The following PAX8 variants were observed in gnomAD, a reference collection of about 807,000 sequenced individuals.
PAX8 encodes paired box 8.
Under a neutral mutation model 52.4 loss-of-function variants are expected in PAX8, and 15 were observed. The ratio of observed to expected loss-of-function variants is 0.29; its 90% CI spans 0.19 to 0.44. The LOEUF (loss-of-function observed/expected upper bound fraction) is 0.44, where lower values mean the gene tolerates loss of function less well. Ranked by LOEUF, PAX8 falls within the 20% of genes least tolerant of loss-of-function variation. PAX8 has a pLI of 1.00. For missense variants in PAX8, 554 were observed against 602.5 expected (o/e 0.92, Z 0.84); for synonymous variants, 284 against 249.7 (o/e 1.14, Z -1.29).
chr2:113,260,746 G>A (rs542668466), intron 2 of PAX8, among the ~76,000 whole-genome samples: 4 of 152,168 alleles, frequency 2.6e-5, no homozygotes, highest in Non-Finnish European at 5.9e-5. Context: ...TGAAGGCCGA[G>A]ATTCTTTGCT....
intron 2 of PAX8, among the ~76,000 whole-genome samples, chr2:113,248,953 C>T (rs572535704): frequency 2.0e-5 from 3 of 151,696 alleles, no homozygotes; most frequent in South Asian, 2.1e-4. Flanking sequence ...GCAACAAGAG[C>T]GAAATTCCGT....
intron 7 of PAX8, chr2:113,240,622 C>CT (rs1285644723): frequency 6.6e-6 from 1 of 152,270 alleles, no homozygotes; most frequent in Non-Finnish European, 1.5e-5. Context: ...TCTCACATCT[C>CT]TGTCAGCTTT....
intron 2 of PAX8, chr2:113,276,185 C>A (rs939248944): frequency 2.6e-5 from 4 of 152,184 alleles, no homozygotes; most frequent in African/African-American, 9.7e-5. Flanking sequence ...ATGAGTTTAG[C>A]TCCGGTTATA....
intron 11 of PAX8, 55 bp from the exon 12 acceptor site, chr2:113,218,664 C>G: frequency 8.7e-7 from 1 of 1,146,340 alleles, no homozygotes; most frequent in Middle Eastern, 1.9e-4. Flanking sequence ...AGGAAAATTG[C>G]ACCATAGCCT....
intron 10 of PAX8, among the ~76,000 whole-genome samples, chr2:113,224,184 A>T: frequency 6.6e-6 from 1 of 152,184 alleles, no homozygotes. Flanking sequence ...GAAAAATAAA[A>T]GGATTGATGG....
In PAX8 at chr2:113,242,195, C is replaced by G. The variant is rs1690910453; in HGVS notation, c.479-65G>C. The G allele has an allele frequency of 2.1e-6, 3 of 1,454,288 alleles. No homozygotes were observed. In the East Asian group the frequency reaches 7.4e-5, roughly 36 times the overall value. The allele number at this position is 1,454,288 out of a possible 1,614,324, so 90.1% of individuals were successfully genotyped here. Reference sequence around the variant, plus strand: ...ACACCCCTCACAGCCCTGGGTGACTCTGGGGTAGTTACAGTTGAGCTGGGG... The same window carrying G: ...ACACCCCTCACAGCCCTGGGTGACTGTGGGGTAGTTACAGTTGAGCTGGGG... On this transcript the variant is annotated intron_variant, in intron 5 of 11. Transcript: ENST00000429538.
rs765067498 is a variant in PAX8, at chr2:113,241,748, G to T, written c.602-22C>A. 3.1e-6 allele frequency: 5 copies of T among 1,613,246 alleles called. No homozygotes were observed. The East Asian group carries it at 1.1e-4, about 36-fold the overall frequency. ...TCACCTGGTACCCCCCGGGAAGGAA[G>T]AAAGCTTTTAGGGGACCTATCTATT... is the stretch of plus-strand genomic sequence containing the variant. On this transcript the variant is annotated intron_variant, in intron 6 of 11. Coordinates refer to ENST00000429538, the MANE Select transcript of PAX8 (RefSeq NM_003466.4).
Position 113,236,707 on chromosome 2 carries a change from C to T in PAX8, c.792G>A (p.Leu264=). ...HTKGEQGLYP[L]PLLNSTLDDG... is the part of the protein sequence containing the mutation. ...CGTCCAGGGTGCTGTTGAGCAAGGGCAGCGGGTAGAGGCCCTGGGGAGCAA... is the reference window on the plus strand; with the variant it reads ...CGTCCAGGGTGCTGTTGAGCAAGGGTAGCGGGTAGAGGCCCTGGGGAGCAA... Residue 264 remains leucine (L), a synonymous_variant, in exon 8 of 12, where the codon CTG becomes CTA. Transcript: ENST00000429538. 6.4e-7 allele frequency: 1 copy of T among 1,573,444 alleles called. No homozygotes were observed. The highest frequency in any genetic ancestry group is 8.6e-7 in the Non-Finnish European group (1 of 1,160,104).
In PAX8 at chr2:113,265,102, C is replaced by G. The variant is rs185197445; in HGVS notation, c.25+13268G>C. Reference sequence around the variant, plus strand: ...CAGGTTAAGTTTGTCTGAAACAGAGCCAAGAGAGGAGAGAAACCAGAACAT... The same window carrying G: ...CAGGTTAAGTTTGTCTGAAACAGAGGCAAGAGAGGAGAGAAACCAGAACAT... On this transcript the variant is annotated intron_variant, in intron 2 of 11. Transcript: ENST00000429538. 3.8e-3 allele frequency among the ~76,000 whole-genome samples: 581 copies of G among 152,260 alleles called. 9 individuals are homozygous for G. The highest frequency in any genetic ancestry group is 0.034 in the Admixed American group (525 of 15,292).
intron 2 of PAX8, chr2:113,266,412 G>A (rs1014803127): frequency 2.6e-5 from 4 of 152,234 alleles, no homozygotes; most frequent in Admixed American, 2.0e-4. Flanking sequence ...CTGGTGCCAA[G>A]AAAGAAGGGT....
intron 2 of PAX8, among the ~76,000 whole-genome samples, chr2:113,248,980 A>AAAGGG (rs1691550791): frequency 6.6e-6 from 1 of 152,074 alleles, no homozygotes; most frequent in African/African-American, 2.4e-5. Flanking sequence ...AAAGAAAAAA[A>AAAGGG]AGGGAGGTGG....
intron 10 of PAX8, chr2:113,226,423 G>C (rs1182156209): frequency 1.0e-6 from 1 of 985,816 alleles, no homozygotes; most frequent in Non-Finnish European, 1.2e-6. Context: ...CTTGCCCAAG[G>C]AAACTCCCAT....
intron 8 of PAX8, 59 bp from the exon 9 acceptor site, chr2:113,235,641 C>T (rs1174477309): frequency 3.5e-6 from 5 of 1,410,824 alleles, no homozygotes; most frequent in Admixed American, 1.9e-5. Flanking sequence ...GGAGGGAACA[C>T]GCACAAGCCA....
At chr2:113,273,364 C>T (rs908999708) in intron 2 of PAX8, 1 of 152,188 alleles carries the variant, frequency 6.6e-6, no homozygotes, top group African/African-American at 2.4e-5. Context: ...TCTTGCGGCC[C>T]GGTTTGGATG....
intron 9 of PAX8, among the ~76,000 whole-genome samples, chr2:113,230,952 C>T (rs775431314): frequency 1.9e-4 from 29 of 152,160 alleles, no homozygotes; most frequent in Non-Finnish European, 3.7e-4. Flanking sequence ...GTTGACTGGC[C>T]GTGGAGTTCT....
intron 2 of PAX8, among the ~76,000 whole-genome samples, chr2:113,264,457 A>G (rs1304981495): frequency 3.3e-5 from 5 of 152,262 alleles, no homozygotes; most frequent in Admixed American, 6.5e-5. Context: ...TTCATGTTGG[A>G]AAAACTTCAT....
At position 113,259,429 on chromosome 2, in the gene PAX8, G is replaced by A. The variant is rs201996156; in HGVS notation, c.26-12510C>T. On this transcript the variant is annotated intron_variant, in intron 2 of 11. Transcript: ENST00000429538. ...AGCCCCTGTCCTCTCTTTGAATCTC[G>A]TTGTCAAGTTCTTCCCGCAGACACC... 2.6e-3 allele frequency: 398 copies of A among 153,232 alleles called. 1 individual carries two copies. Among genetic ancestry groups the A allele is most frequent in the Middle Eastern group, 0.017 (5 of 302 alleles). The allele number at this position is 153,232 out of a possible 1,614,324, so 9.5% of individuals were successfully genotyped here. A position where few individuals can be genotyped will look rare whatever the true frequency, so the allele number is the denominator to read the frequency against.
intron 4 of PAX8, among the ~76,000 whole-genome samples, chr2:113,244,008 T>G (rs907152207): frequency 6.6e-6 from 1 of 152,206 alleles, no homozygotes; most frequent in African/African-American, 2.4e-5. Context: ...TGTGAATGAA[T>G]TAATGAACAA....
chr2:113,226,209 G>A, intron 10 of PAX8: 1 of 985,438 alleles, frequency 1.0e-6, no homozygotes, highest in Non-Finnish European at 1.2e-6. Flanking sequence ...GCAAGGAAGG[G>A]AAGCAGGCCT....
Sources: allele counts gnomAD v4.1 joint callset (sites outside exome capture counted in the v4.1 genomes callset), GRCh38; gene constraint gnomAD v4.1.1; transcripts MANE v1.5; gene names NCBI Gene and HGNC (gene_info 2026-07-23, HGNC 2026-07-21).